ZNF521: variants seen among roughly 807,000 people sequenced by gnomAD.
ZNF521 encodes the protein zinc finger protein 521.
Under a neutral mutation model 105.5 loss-of-function variants are expected in ZNF521, and 14 were observed. The observed-to-expected ratio is 0.13, with a 90% confidence interval of 0.09 to 0.21. The LOEUF (loss-of-function observed/expected upper bound fraction) is 0.21. Ranked by LOEUF, ZNF521 falls within the 10% of genes least tolerant of loss-of-function variation. The probability of loss-of-function intolerance (pLI) is 1.00; values close to 1 mark genes in which losing one functional copy is unlikely to be tolerated. For synonymous variants in ZNF521, 635 were observed against 606.0 expected (o/e 1.05, Z -0.70); for missense variants, 1,233 against 1,629.7 (o/e 0.76, Z 4.19).
At chr18:25,308,269 T>C (rs1331138052) in intron 3 of ZNF521, among the ~76,000 whole-genome samples, 2 of 150,778 alleles carry the variant, frequency 1.3e-5, no homozygotes, top group African/African-American at 2.4e-5. Context: ...GTAGCCCTGA[T>C]TGACACCTTG....
chr18:25,340,650 A>G (rs771108123), intron 2 of ZNF521, among the ~76,000 whole-genome samples: 9 of 152,242 alleles, frequency 5.9e-5, no homozygotes, highest in Non-Finnish European at 1.0e-4. Context: ...TGTTGGAGCT[A>G]CAAGGGAACT....
At chr18:25,344,297 C>T (rs1598494361) in intron 2 of ZNF521, among the ~76,000 whole-genome samples, 1 of 151,002 alleles carries the variant, frequency 6.6e-6, no homozygotes, top group South Asian at 2.1e-4. Context: ...TTATTTAAAC[C>T]ATTTAAAAGC....
At chr18:25,186,363 T>C (rs2144607577) in intron 5 of ZNF521, among the ~76,000 whole-genome samples, 1 of 152,330 alleles carries the variant, frequency 6.6e-6, no homozygotes, top group African/African-American at 2.4e-5. Flanking sequence ...AATCCTGAAA[T>C]ATATTAATCA....
At chr18:25,302,417 A>C (rs1042198064) in intron 3 of ZNF521, 1 of 152,184 alleles carries the variant, frequency 6.6e-6, no homozygotes, top group Non-Finnish European at 1.5e-5. Flanking sequence ...GTGTGCGACA[A>C]GCCTTGCACT....
chr18:25,333,515 C>T (rs1310702092), intron 2 of ZNF521, among the ~76,000 whole-genome samples: 1 of 151,854 alleles, frequency 6.6e-6, no homozygotes, highest in Non-Finnish European at 1.5e-5. Flanking sequence ...ATTTAGCCAA[C>T]ACCACCCAAA....
Position 25,195,191 on chromosome 18 carries a change from A to G in ZNF521, c.3627T>C (p.Asp1209=). 6.3e-7 allele frequency: 1 copy of G among 1,599,586 alleles called. No individual in the cohort carries two copies. Among genetic ancestry groups the G allele is most frequent in the Non-Finnish European group, 8.5e-7 (1 of 1,174,110 alleles). Residue 1209 remains aspartate, a synonymous_variant, in exon 5 of 8, where the codon GAT becomes GAC. Coordinates refer to ENST00000361524, the MANE Select transcript of ZNF521 (RefSeq NM_015461.3). The stretch of plus-strand genomic sequence containing the variant: ...TGTGATTTGCAACATGAACCTGAAT[A>G]TCCCATTCATTGTAGAAAACCATCT... ...KCQMVFYNEW[D]IQVHVANHMI...
intron 5 of ZNF521, among the ~76,000 whole-genome samples, chr18:25,169,537 A>C (rs905727511): frequency 6.6e-6 from 1 of 151,914 alleles, no homozygotes; most frequent in African/African-American, 2.4e-5. Flanking sequence ...TACTTTCACT[A>C]TTTTTTTTAA....
chr18:25,073,741 G>C (rs2033281614), intron 7 of ZNF521, among the ~76,000 whole-genome samples: 1 of 151,948 alleles, frequency 6.6e-6, no homozygotes, highest in Non-Finnish European at 1.5e-5. Context: ...ATTGAACTTG[G>C]GCAAAAAGCA....
In ZNF521 at chr18:25,226,197, A is replaced by G; in HGVS notation, c.1721T>C (p.Val574Ala). The G allele has an allele frequency of 6.2e-7, 1 of 1,614,124 alleles. No individual in the cohort carries two copies. Among genetic ancestry groups the G allele is most frequent in the Non-Finnish European group, 8.5e-7 (1 of 1,180,020 alleles). Reference sequence around the variant, plus strand: ...TTTGATATGCTTGTTCAGTTTAAGAACGCTGTTGAATATTGGCGAATTTGT... The same window carrying G: ...TTTGATATGCTTGTTCAGTTTAAGAGCGCTGTTGAATATTGGCGAATTTGT... ...YCTNSPIFNS[V>A]LKLNKHIKEN... Residue 574 changes from valine to alanine, a missense_variant, in exon 4 of 8, where the codon GTT (valine) becomes GCT (alanine). This residue lies in a region of ZNF521 where 380 missense variants were observed against 478.0 expected (regional missense o/e 0.80). Transcript: ENST00000361524. The surrounding 1 kb of genome is among the most constrained non-coding windows in gnomAD (Gnocchi z 4.1).
chr18:25,273,130 G>A (rs537587887), intron 3 of ZNF521, among the ~76,000 whole-genome samples: 2 of 142,906 alleles, frequency 1.4e-5, no homozygotes, highest in African/African-American at 5.2e-5. Context: ...CGGGGGCTAA[G>A]GCAGGAGAAT....
intron 3 of ZNF521, among the ~76,000 whole-genome samples, chr18:25,284,541 G>A (rs1047444417): frequency 2.6e-5 from 4 of 152,120 alleles, no homozygotes; most frequent in African/African-American, 7.2e-5. Flanking sequence ...GAGTTGAGAC[G>A]AGAGCGCTGA....
chr18:25,294,577 C>A (rs45526737), intron 3 of ZNF521, among the ~76,000 whole-genome samples: 1 of 152,074 alleles, frequency 6.6e-6, no homozygotes, highest in Non-Finnish European at 1.5e-5. Context: ...GTTTAGGCTG[C>A]CAGGTGCAGT....
At chr18:25,275,957 G>A (rs1910007331) in intron 3 of ZNF521, among the ~76,000 whole-genome samples, 1 of 152,174 alleles carries the variant, frequency 6.6e-6, no homozygotes, top group Non-Finnish European at 1.5e-5. Flanking sequence ...ATTGATGGCG[G>A]AGGAGCACAA....
At chr18:25,219,859 G>A (rs927636041) in intron 4 of ZNF521, among the ~76,000 whole-genome samples, 24 of 152,074 alleles carry the variant, frequency 1.6e-4, no homozygotes, top group African/African-American at 5.8e-4. Context: ...GCTTCATTGA[G>A]GTGTAATCCC....
intron 3 of ZNF521, among the ~76,000 whole-genome samples, chr18:25,264,978 G>A (rs76055494): frequency 1.6e-3 from 236 of 152,232 alleles, no homozygotes; most frequent in African/African-American, 5.4e-3. Context: ...TCCTCTGGGT[G>A]AAAATAATGG....
intron 3 of ZNF521, among the ~76,000 whole-genome samples, chr18:25,272,679 G>T (rs1909739681): frequency 6.6e-6 from 1 of 151,930 alleles, no homozygotes. Flanking sequence ...ACCAAACACT[G>T]CATGTTATCA....
intron 4 of ZNF521, among the ~76,000 whole-genome samples, chr18:25,196,474 T>G (rs4531825): frequency 0.22 from 32,562 of 150,746 alleles, 3,747 homozygotes; most frequent in Middle Eastern, 0.3. Context: ...TAAATGCCAT[T>G]AATATAAATT....
rs377173156 is a variant in ZNF521 at position 25,316,323 on chromosome 18, T to TA, written c.220+5684dup. On this transcript the variant is annotated intron_variant, in intron 3 of 7. Coordinates refer to ENST00000361524, the MANE Select transcript of ZNF521 (RefSeq NM_015461.3). ...ATGAAATTAAAAGGTAAAACGAATT[T>TA]AAAAAAAAAAAAAAAAGGAAAGAAA... 6.6e-3 allele frequency among the ~76,000 whole-genome samples: 593 copies of TA among 90,242 alleles called. 6 individuals are homozygous for TA. Among genetic ancestry groups the TA allele is most frequent in the Middle Eastern group, 0.03 (5 of 166 alleles). 59.2% of individuals were successfully genotyped at this position (90,242 alleles called of 152,430 possible).
At chr18:25,262,558 C>A (rs932494404) in intron 3 of ZNF521, among the ~76,000 whole-genome samples, 1 of 152,058 alleles carries the variant, frequency 6.6e-6, no homozygotes, top group Non-Finnish European at 1.5e-5. Flanking sequence ...ATTTACTGAT[C>A]ATCTACTATG....
Sources: allele counts gnomAD v4.1 joint callset (sites outside exome capture counted in the v4.1 genomes callset), GRCh38; gene constraint gnomAD v4.1.1; regional missense constraint gnomAD v4.1.1; non-coding constraint Gnocchi (gnomAD v3.1); transcripts MANE v1.5; gene names NCBI Gene and HGNC (gene_info 2026-07-23, HGNC 2026-07-21).